The following FAM133A variants were observed in gnomAD, a reference collection of about 807,000 sequenced individuals.
The protein encoded by FAM133A is family with sequence similarity 133 member A, also known as protein FAM133A.
For missense variants in FAM133A, 159 were observed against 164.4 expected, an observed-to-expected ratio of 0.97 and a Z score of 0.18; for synonymous variants, 65 against 58.6, an observed-to-expected ratio of 1.11 and a Z score of -0.50.
chrX:93,692,683 A>G (rs1428715939), intron 2 of FAM133A, among the ~76,000 whole-genome samples: 2 of 111,468 alleles, frequency 1.8e-5, no homozygotes, highest in East Asian at 5.6e-4. Context: ...CAGACTAGGT[A>G]GTAGTTATGT....
Position 93,696,786 on chromosome X carries a change from G to A in FAM133A, c.-192-1611G>A, listed in dbSNP as rs1206457652. On this transcript the variant is annotated intron_variant, in intron 2 of 3. Transcript: ENST00000683942. ...ATACAAAAAATTAGCCGAGCATGGT[G>A]GCGGGTGCCTGTAGTCCCAGCTACT... 2.7e-5 allele frequency among the ~76,000 whole-genome samples: 3 copies of A among 110,327 alleles called. No individual in the cohort carries two copies. The East Asian group carries it at 8.7e-4, about 32-fold the overall frequency.
chrX:93,703,103 C>T (rs933889954), intron 3 of FAM133A, among the ~76,000 whole-genome samples: 3 of 111,362 alleles, frequency 2.7e-5, no homozygotes, highest in South Asian at 3.7e-4. Context: ...GCAACAGAAT[C>T]GCTTGAGCCC....
chrX:93,706,970 T>C (rs905530053), intron 3 of FAM133A, among the ~76,000 whole-genome samples: 2 of 111,876 alleles, frequency 1.8e-5, no homozygotes, highest in African/African-American at 3.2e-5. Context: ...TAAAATAGTG[T>C]CTCCCCGTTA....
intron 2 of FAM133A, among the ~76,000 whole-genome samples, chrX:93,687,512 T>G (rs1925612936): frequency 9.0e-6 from 1 of 111,446 alleles, no homozygotes; most frequent in Non-Finnish European, 1.9e-5. Context: ...TTTTAAAAAT[T>G]TAAAAAGATG....
At chrX:93,674,854 G>A (rs1020535456) in intron 2 of FAM133A, 102 bp downstream of exon 2, 2 of 111,222 alleles carry the variant, frequency 1.8e-5, no homozygotes, top group Admixed American at 9.6e-5. Flanking sequence ...TTATTTTAGA[G>A]AATTATCTTG....
chrX:93,693,997 C>A (rs182263739), intron 2 of FAM133A, among the ~76,000 whole-genome samples: 1,741 of 109,519 alleles, frequency 0.016, 13 homozygotes, highest in Non-Finnish European at 0.028. Context: ...TTTTACAAAA[C>A]CCAAGGTATA....
chrX:93,710,176 A>G lies in FAM133A; in HGVS notation c.*10A>G, dbSNP rs778847468. 5.2e-6 allele frequency: 6 copies of G among 1,148,086 alleles called. No homozygotes were observed. The African/African-American group carries it at 7.4e-5, about 14-fold the overall frequency. The allele number at this position is 1,148,086 out of a possible 1,213,427, so 94.6% of individuals were successfully genotyped here. On this transcript the variant is annotated 3_prime_UTR_variant, in exon 4 of 4. Coordinates refer to ENST00000683942, the MANE Select transcript of FAM133A (RefSeq NM_001171109.2). ...TCACAAGTCAAGGTAACATCAAGAA[A>G]AAAAGCAAGAATGAGTTTGCCGAGT...
intron 3 of FAM133A, among the ~76,000 whole-genome samples, chrX:93,708,388 TC>T (rs1306404737): frequency 8.9e-6 from 1 of 111,847 alleles, no homozygotes; most frequent in Non-Finnish European, 1.9e-5. Flanking sequence ...TTTTTTAAGA[TC>T]CCTCTGTTTA....
chrX:93,691,329 T>C (rs1449786273), intron 2 of FAM133A, among the ~76,000 whole-genome samples: 1 of 111,951 alleles, frequency 8.9e-6, no homozygotes, highest in African/African-American at 3.2e-5. Context: ...ACTTTTTATA[T>C]ATGGTGTGAA....
At chrX:93,694,067 A>C (rs927910162) in intron 2 of FAM133A, among the ~76,000 whole-genome samples, 2 of 111,306 alleles carry the variant, frequency 1.8e-5, no homozygotes, top group Admixed American at 9.6e-5. Context: ...GGTTGGCAGC[A>C]CAGGGATCAT....
At chrX:93,695,072 T>C (rs980086970) in intron 2 of FAM133A, among the ~76,000 whole-genome samples, 1 of 111,381 alleles carries the variant, frequency 9.0e-6, no homozygotes, top group Non-Finnish European at 1.9e-5. Flanking sequence ...GAAATAAATA[T>C]GTCTATATAG....
chrX:93,694,872 C>A (rs1431744592), intron 2 of FAM133A, among the ~76,000 whole-genome samples: 1 of 111,207 alleles, frequency 9.0e-6, no homozygotes, highest in Non-Finnish European at 1.9e-5. Context: ...GTATGTATAT[C>A]CTTTAATAGA....
rs1034776336 is a variant in FAM133A, at chrX:93,674,728, A to T, written c.-217A>T. 3.6e-5 allele frequency: 4 copies of T among 111,826 alleles called. No homozygotes were observed. Among genetic ancestry groups the T allele is most frequent in the African/African-American group, 1.3e-4 (4 of 30,782 alleles). 9.2% of individuals were successfully genotyped at this position (111,826 alleles called of 1,213,427 possible). Reference sequence around the variant, plus strand: ...CAACTCCCTTGGTACAATAAAAAAGACGAGTATTTACTTTTCATTGAAAGG... The same window carrying T: ...CAACTCCCTTGGTACAATAAAAAAGTCGAGTATTTACTTTTCATTGAAAGG... On this transcript the variant is annotated 5_prime_UTR_variant, in exon 2 of 4. Transcript: ENST00000683942.
rs1924661471 is a variant in FAM133A, at chrX:93,675,994, A to AT, written c.-193+1246dup. Among the ~76,000 whole-genome samples, 3 of 111,544 alleles carry AT rather than the reference A, an allele frequency of 2.7e-5. No homozygotes were observed. In the South Asian group the frequency reaches 1.1e-3, roughly 42 times the overall value. ...AAACTTTGTAGCATTAGGAATTAGT[A>AT]TTTTAGAGTCAGTCATGAGTTAGGG... On this transcript the variant is annotated intron_variant, in intron 2 of 3. Coordinates refer to ENST00000683942, the MANE Select transcript of FAM133A (RefSeq NM_001171109.2).
chrX:93,700,396 G>A (rs950217868), intron 3 of FAM133A, among the ~76,000 whole-genome samples: 3 of 111,239 alleles, frequency 2.7e-5, no homozygotes, highest in Non-Finnish European at 5.7e-5. Flanking sequence ...ATAAAAATTT[G>A]TTGAGTGAAT....
At chrX:93,689,450 G>A (rs1223666729) in intron 2 of FAM133A, among the ~76,000 whole-genome samples, 1 of 111,947 alleles carries the variant, frequency 8.9e-6, no homozygotes, top group Non-Finnish European at 1.9e-5. Context: ...TATCAATAGT[G>A]ATAAGTATTT....
chrX:93,701,477 A>T (rs923242450), intron 3 of FAM133A, among the ~76,000 whole-genome samples: 5 of 111,500 alleles, frequency 4.5e-5, no homozygotes, highest in Admixed American at 1.9e-4. Flanking sequence ...TATCACATAG[A>T]TGGAAATAAA....
Position 93,709,374 on chromosome X carries a change from G to T in FAM133A, c.-46G>T. The T allele has an allele frequency of 9.2e-7, 1 of 1,090,394 alleles. No individual in the cohort carries two copies. Among genetic ancestry groups the T allele is most frequent in the Non-Finnish European group, 1.2e-6 (1 of 839,374 alleles). 89.9% of individuals were successfully genotyped at this position (1,090,394 alleles called of 1,213,427 possible). On this transcript the variant is annotated 5_prime_UTR_variant, in exon 4 of 4. Transcript: ENST00000683942. ...GAATTTAAGGCGAGTATCTATCTTT[G>T]TTCTCCTTGGCAACTGAGAGTCTGC...
rs1228778656 is a variant in FAM133A, at chrX:93,709,733, C to T, written c.314C>T (p.Ser105Leu). 8.4e-7 allele frequency: 1 copy of T among 1,195,784 alleles called. No homozygotes were observed. The highest frequency in any genetic ancestry group is 3.0e-5 in the East Asian group (1 of 33,558). ...KKRKKKSCRS[S>L]SSSSSSDSSS... ...AGAAAGAAGAAATCTTGTCGGTCTTCATCTTCTTCATCAAGCTCTGATTCT... is the reference window on the plus strand; with the variant it reads ...AGAAAGAAGAAATCTTGTCGGTCTTTATCTTCTTCATCAAGCTCTGATTCT... Residue 105 changes from serine to leucine, a missense_variant, in exon 4 of 4, where the codon TCA (serine) becomes TTA (leucine). Ser to Leu is a moderately radical substitution (Grantham distance 145). Coordinates refer to ENST00000683942, the MANE Select transcript of FAM133A (RefSeq NM_001171109.2).
Sources: allele counts gnomAD v4.1 joint callset (sites outside exome capture counted in the v4.1 genomes callset), GRCh38; gene constraint gnomAD v4.1.1; transcripts MANE v1.5; gene names NCBI Gene and HGNC (gene_info 2026-07-23, HGNC 2026-07-21).